Variants in SCN10A observed in about 807,000 individuals in gnomAD.
SCN10A encodes the protein sodium voltage-gated channel alpha subunit 10, also known as sodium channel protein type 10 subunit alpha.
Under a neutral mutation model 170.7 loss-of-function variants are expected in SCN10A, and 162 were observed. The observed-to-expected ratio is 0.95, with a 90% confidence interval of 0.84 to 1.08. The LOEUF is 1.08. Ranked by LOEUF, SCN10A falls within the 50% of genes least tolerant of loss-of-function variation. The pLI is 0.00. For synonymous variants in SCN10A, 985 were observed against 904.6 expected (o/e 1.09, Z -1.59); for missense variants, 2,527 against 2,436.9 (o/e 1.04, Z -0.78).
At chr3:38,780,846 G>T (rs2064130680) in intron 4 of SCN10A, among the ~76,000 whole-genome samples, 1 of 152,118 alleles carries the variant, frequency 6.6e-6, no homozygotes, top group South Asian at 2.1e-4. Flanking sequence ...TGCAGTGGTG[G>T]TTCAAGAAGT....
chr3:38,698,296 A>G lies in SCN10A; in HGVS notation c.4924T>C (p.Phe1642Leu). 6.2e-7 allele frequency: 1 copy of G among 1,614,084 alleles called. No homozygotes were observed. The highest frequency in any genetic ancestry group is 8.5e-7 in the Non-Finnish European group (1 of 1,180,014). Residue 1642 changes from phenylalanine to leucine, a missense_variant, in exon 28 of 28, where the codon TTC becomes CTC. Coordinates refer to ENST00000449082, the MANE Select transcript of SCN10A (RefSeq NM_006514.4). ...CTGTTGGCGAAGGTCTGGAAGTTGA[A>G]CATGTCGTCGATGCCAGCCTCCCAC... is the stretch of plus-strand genomic sequence containing the variant. ...VRWEAGIDDM[F>L]NFQTFANSML...
At chr3:38,747,671 C>G (rs1341352684) in intron 13 of SCN10A, among the ~76,000 whole-genome samples, 1 of 152,172 alleles carries the variant, frequency 6.6e-6, no homozygotes, top group Non-Finnish European at 1.5e-5. Context: ...TCTGTTGCCT[C>G]TCATTCATCC....
chr3:38,733,542 T>C lies in SCN10A; in HGVS notation c.2281-4641A>G, dbSNP rs189902292. ...GAAGGTTAAAGATTTTAGCTAACTT[T>C]TGGCTTTGATTAAGTTAACTAATGG... On this transcript the variant is annotated intron_variant, in intron 15 of 27. Coordinates refer to ENST00000449082, the MANE Select transcript of SCN10A (RefSeq NM_006514.4). 6.5e-3 allele frequency among the ~76,000 whole-genome samples: 989 copies of C among 152,282 alleles called. 4 individuals are homozygous for C. The highest frequency in any genetic ancestry group is 0.011 in the Non-Finnish European group (716 of 68,024).
At chr3:38,789,376 ACT>A (rs2064250276) in intron 3 of SCN10A, among the ~76,000 whole-genome samples, 1 of 152,124 alleles carries the variant, frequency 6.6e-6, no homozygotes, top group Non-Finnish European at 1.5e-5. Flanking sequence ...TTGATAACAA[ACT>A]CTGAGCAAGA....
chr3:38,808,365 C>A (rs868751920), intron 1 of SCN10A, among the ~76,000 whole-genome samples: 53 of 152,150 alleles, frequency 3.5e-4, no homozygotes, highest in Admixed American at 1.8e-3. Context: ...CTGAACTGGA[C>A]AAGTTTTCTT....
Position 38,752,461 on chromosome 3 carries a change from A to G in SCN10A, c.1513T>C (p.Phe505Leu), listed in dbSNP as rs771671647. The G allele has an allele frequency of 1.3e-5, 21 of 1,611,932 alleles. 1 individual carries two copies. The highest frequency in any genetic ancestry group is 1.1e-4 in the South Asian group (10 of 90,650). Residue 505 changes from phenylalanine (F) to leucine (L), a missense_variant, in exon 12 of 28, where the codon TTC becomes CTC. Phe to Leu is a conservative substitution (Grantham distance 22). Transcript: ENST00000449082. ...TCTCGGCCAGGGGACCGGAAATGGA[A>G]CACACTGCCATGACTAGCCCGGCGT... The part of the protein sequence containing the change: ...GKRRASHGSV[F>L]HFRSPGRDIS...
rs2063098400 is a variant in SCN10A, at chr3:38,697,260, G to A, written c.*89C>T. 21 of 1,546,588 alleles carry A rather than the reference G, an allele frequency of 1.4e-5. No individual in the cohort carries two copies. The South Asian group carries it at 2.6e-4, about 19-fold the overall frequency. On this transcript the variant is annotated 3_prime_UTR_variant, in exon 28 of 28. Transcript: ENST00000449082. ...ACCAGTGGCATGCATTGGTGAGGCT[G>A]TAGCTGGGTGTGATCTGCAATGGGA...
intron 10 of SCN10A, 88 bp downstream of exon 10, chr3:38,756,586 G>A: frequency 1.9e-6 from 2 of 1,034,236 alleles, no homozygotes; most frequent in South Asian, 1.3e-5. Context: ...TCCCTAAACG[G>A]TGCCCTAATT....
chr3:38,699,204 T>G (rs894713927), intron 27 of SCN10A, among the ~76,000 whole-genome samples: 3 of 151,856 alleles, frequency 2.0e-5, no homozygotes, highest in East Asian at 1.9e-4. Flanking sequence ...ATTTGTTTTT[T>G]TTTTTTTTTT....
intron 13 of SCN10A, 51 bp downstream of exon 13, chr3:38,750,022 T>C: frequency 9.9e-7 from 1 of 1,014,146 alleles, no homozygotes; most frequent in Non-Finnish European, 1.6e-6. Context: ...GCTGCTCACA[T>C]GGGAATTCAT....
intron 15 of SCN10A, among the ~76,000 whole-genome samples, chr3:38,738,068 G>A (rs2063590079): frequency 6.6e-6 from 1 of 151,774 alleles, no homozygotes; most frequent in Non-Finnish European, 1.5e-5. Context: ...AGTCTTCTGA[G>A]TAGCTAGGAT....
chr3:38,795,619 T>C (rs2064336074), intron 1 of SCN10A, among the ~76,000 whole-genome samples: 1 of 152,148 alleles, frequency 6.6e-6, no homozygotes, highest in South Asian at 2.1e-4. Flanking sequence ...TAAAATACTG[T>C]ATATTTTGGC....
chr3:38,704,764 C>A (rs1408980049), intron 26 of SCN10A, among the ~76,000 whole-genome samples: 1 of 152,136 alleles, frequency 6.6e-6, no homozygotes, highest in Non-Finnish European at 1.5e-5. Flanking sequence ...CCTATGTGGT[C>A]CCAGGTAAGC....
At chr3:38,727,976 C>T (rs2063475360) in intron 16 of SCN10A, among the ~76,000 whole-genome samples, 1 of 152,074 alleles carries the variant, frequency 6.6e-6, no homozygotes, top group African/African-American at 2.4e-5. Flanking sequence ...CCCATTGTGC[C>T]CCCTCCCTGC....
In SCN10A at chr3:38,792,089, T is replaced by C. The variant is rs1299061693; in HGVS notation, c.350A>G (p.Asn117Ser). 2 of 1,613,770 alleles carry C rather than the reference T, an allele frequency of 1.2e-6. No homozygotes were observed. The highest frequency in any genetic ancestry group is 1.7e-6 in the Non-Finnish European group (2 of 1,179,814). The change falls in exon 3 of 28, where the codon AAC becomes AGC. Residue 117 changes from asparagine (N) to serine (S), a missense_variant. By Grantham distance (46) the Asn-to-Ser change is conservative. Coordinates refer to ENST00000449082, the MANE Select transcript of SCN10A (RefSeq NM_006514.4). ...TTTGATGGCCGTTCTTCTGATCAGG[T>C]TGAAAGGACTGAATAGCCACAGGGC... ...TRALWLFSPF[N>S]LIRRTAIKVS...
chr3:38,755,939 A>G lies in SCN10A; in HGVS notation c.1310T>C (p.Ile437Thr). The G allele has an allele frequency of 2.5e-6, 4 of 1,614,186 alleles. No homozygotes were observed. The highest frequency in any genetic ancestry group is 3.4e-6 in the Non-Finnish European group (4 of 1,180,026). The change falls in exon 11 of 28, where the codon ATT (isoleucine) becomes ACT (threonine). Residue 437 changes from isoleucine to threonine, a missense_variant. By Grantham distance (89) the Ile-to-Thr change is moderately conservative. Coordinates refer to ENST00000449082, the MANE Select transcript of SCN10A (RefSeq NM_006514.4). ...KEQEVLAALG[I>T]DTTSLHSHNG... is the part of the protein sequence containing the mutation. ...GTGGGAGTGGAGAGAGGTTGTGTCA[A>G]TCCCTAGTGCTGCTAGCACCTGCGA...
At chr3:38,760,348 T>C (rs1413116113) in intron 8 of SCN10A, among the ~76,000 whole-genome samples, 7 of 152,192 alleles carry the variant, frequency 4.6e-5, no homozygotes, top group African/African-American at 1.7e-4. Context: ...AGACCAGCCA[T>C]CTCCAAGTTA....
intron 15 of SCN10A, among the ~76,000 whole-genome samples, chr3:38,735,185 A>G (rs990207011): frequency 6.6e-6 from 1 of 151,496 alleles, no homozygotes; most frequent in African/African-American, 2.4e-5. Context: ...AAAAAAAAAA[A>G]AAAAGAAAGA....
chr3:38,739,128 C>A (rs62242448), intron 15 of SCN10A, among the ~76,000 whole-genome samples: 31,557 of 152,158 alleles, frequency 0.21, 3,767 homozygotes, highest in East Asian at 0.4. Flanking sequence ...ACGACTATCT[C>A]TCAGGGTTGT....
Sources: gnomAD v4.1 joint callset for allele counts (sites outside exome capture counted in the v4.1 genomes callset) on GRCh38, gnomAD v4.1.1 for gene constraint, MANE v1.5 for transcripts, NCBI Gene and HGNC (gene_info 2026-07-23, HGNC 2026-07-21) for gene names.